The following ADCY2 variants were observed in gnomAD, a reference collection of about 807,000 sequenced individuals.
ADCY2 encodes adenylate cyclase 2, also known as adenylate cyclase type 2.
Under a neutral mutation model 125.2 loss-of-function variants are expected in ADCY2, and 31 were observed. That is an observed-to-expected ratio of 0.25 (90% confidence interval 0.19 to 0.33). The LOEUF (loss-of-function observed/expected upper bound fraction) is 0.33, where lower values mean the gene tolerates loss of function less well. ADCY2 is among the 10% of genes least tolerant of loss of function. ADCY2 has a pLI of 1.00. For synonymous variants in ADCY2, 512 were observed against 548.4 expected (o/e 0.93, Z 0.93); for missense variants, 904 against 1,418.2 (o/e 0.64, Z 5.82).
chr5:7,692,747 A>C (rs1475166630), intron 5 of ADCY2, among the ~76,000 whole-genome samples: 3 of 152,104 alleles, frequency 2.0e-5, no homozygotes, highest in African/African-American at 7.2e-5. Flanking sequence ...ATGACATTGC[A>C]TTCCCTCAGT....
chr5:7,478,307 T>C (rs963455483), intron 2 of ADCY2, among the ~76,000 whole-genome samples: 3 of 152,184 alleles, frequency 2.0e-5, no homozygotes, highest in African/African-American at 7.2e-5. Context: ...ACATGTAAAC[T>C]AATGTGGCCA....
intron 3 of ADCY2, among the ~76,000 whole-genome samples, chr5:7,524,811 C>G (rs1047939835): frequency 1.3e-5 from 2 of 152,142 alleles, no homozygotes; most frequent in African/African-American, 4.8e-5. Context: ...TATGATGGCT[C>G]TGTCCATCCA....
At chr5:7,498,248 T>G (rs976009526) in intron 2 of ADCY2, among the ~76,000 whole-genome samples, 2 of 135,858 alleles carry the variant, frequency 1.5e-5, no homozygotes, top group African/African-American at 5.7e-5. Flanking sequence ...CGTTTTTTTT[T>G]TTTTTTTTTT....
intron 2 of ADCY2, among the ~76,000 whole-genome samples, chr5:7,439,245 T>A (rs1740917988): frequency 6.6e-6 from 1 of 152,138 alleles, no homozygotes; most frequent in Non-Finnish European, 1.5e-5. Context: ...GAGGTTTAAT[T>A]GACTCACAGT....
intron 2 of ADCY2, among the ~76,000 whole-genome samples, chr5:7,423,632 C>T (rs754139532): frequency 2.7e-4 from 41 of 152,184 alleles, no homozygotes; most frequent in Non-Finnish European, 5.4e-4. Flanking sequence ...GTCCATTAAA[C>T]CTCTTTTCTT....
intron 14 of ADCY2, among the ~76,000 whole-genome samples, chr5:7,732,185 A>G (rs754058238): frequency 2.0e-5 from 3 of 152,248 alleles, no homozygotes; most frequent in Non-Finnish European, 2.9e-5. Context: ...AAGGAGGTCA[A>G]GTGAATTTGG....
intron 4 of ADCY2, among the ~76,000 whole-genome samples, chr5:7,684,327 G>A (rs557251831): frequency 6.6e-6 from 1 of 152,256 alleles, no homozygotes; most frequent in East Asian, 1.9e-4. Context: ...CTATTCCAGG[G>A]AGCACAGCTG....
intron 20 of ADCY2, chr5:7,795,188 C>G (rs372921444): frequency 6.6e-6 from 1 of 152,208 alleles, no homozygotes; most frequent in Non-Finnish European, 1.5e-5. Context: ...TCAGAGTCCT[C>G]TCAGAGACCA....
intron 2 of ADCY2, among the ~76,000 whole-genome samples, chr5:7,451,812 G>C (rs1167247128): frequency 1.3e-5 from 2 of 151,782 alleles, no homozygotes; most frequent in Non-Finnish European, 2.9e-5. Context: ...AGTGGTTTTT[G>C]GTTAGATAGA....
In ADCY2 at chr5:7,417,309, A is replaced by G. The variant is rs115530386; in HGVS notation, c.408+2539A>G. Among the ~76,000 whole-genome samples, 276 of 152,292 alleles carry G rather than the reference A, an allele frequency of 1.8e-3. 2 individuals carry two copies. Among genetic ancestry groups the G allele is most frequent in the African/African-American group, 6.4e-3 (267 of 41,566 alleles). On this transcript the variant is annotated intron_variant, in intron 2 of 24. Coordinates refer to ENST00000338316, the MANE Select transcript of ADCY2 (RefSeq NM_020546.3). ...TGCTAATTGGTCGGTGTTTATATAT[A>G]AGAATACTATTGTTTTTATGTTGAC...
intron 1 of ADCY2, among the ~76,000 whole-genome samples, chr5:7,412,844 A>G (rs1278884053): frequency 6.6e-6 from 1 of 152,250 alleles, no homozygotes; most frequent in Non-Finnish European, 1.5e-5. Context: ...CAGCTGTAGA[A>G]TGGAACTAAC....
chr5:7,749,062 T>G (rs914055644), intron 15 of ADCY2, among the ~76,000 whole-genome samples: 1 of 152,196 alleles, frequency 6.6e-6, no homozygotes. Flanking sequence ...CCCATGTTCA[T>G]GGACATGGAC....
intron 24 of ADCY2, among the ~76,000 whole-genome samples, chr5:7,822,308 A>G (rs1354305882): frequency 1.3e-5 from 2 of 152,222 alleles, no homozygotes; most frequent in Admixed American, 6.5e-5. Context: ...TTTAATTTTC[A>G]TCATTGAACC....
chr5:7,653,409 A>G (rs899109284), intron 4 of ADCY2, among the ~76,000 whole-genome samples: 1 of 152,158 alleles, frequency 6.6e-6, no homozygotes. Flanking sequence ...AAAAACGTGA[A>G]GACGGCTAAC....
chr5:7,802,231 A>G lies in ADCY2; in HGVS notation c.2642A>G (p.Gln881Arg). 1.9e-6 allele frequency: 3 copies of G among 1,613,810 alleles called. No individual in the cohort carries two copies. Among genetic ancestry groups the G allele is most frequent in the Non-Finnish European group, 2.5e-6 (3 of 1,179,878 alleles). Residue 881 changes from glutamine to arginine, a missense_variant, in exon 21 of 25, where the codon CAG becomes CGG. Transcript: ENST00000338316. This position sits in a 1 kb window ranked among gnomAD's most constrained non-coding sequence, Gnocchi z 4.6. Reference protein sequence around the residue: ...RSLKNEELYHQSYDCVCVMFA... With the variant: ...RSLKNEELYHRSYDCVCVMFA... Reference sequence around the variant, plus strand: ...TCTCCCAAGCAGGAGCTATACCACCAGTCCTATGACTGCGTCTGCGTCATG... The same window carrying G: ...TCTCCCAAGCAGGAGCTATACCACCGGTCCTATGACTGCGTCTGCGTCATG...
chr5:7,717,205 G>T lies in ADCY2; in HGVS notation c.1671G>T (p.Met557Ile). 2 of 1,611,248 alleles carry T rather than the reference G, an allele frequency of 1.2e-6. No homozygotes were observed. Among genetic ancestry groups the T allele is most frequent in the Non-Finnish European group, 1.7e-6 (2 of 1,178,308 alleles). Residue 557 changes from methionine (M) to isoleucine (I), a missense_variant, in exon 12 of 25, where the codon ATG (methionine) becomes ATT (isoleucine). Physicochemically the swap from Met to Ile is conservative, Grantham distance 10. This residue lies in a region of ADCY2 where 144 missense variants were observed against 227.7 expected (regional missense o/e 0.63). Coordinates refer to ENST00000338316, the MANE Select transcript of ADCY2 (RefSeq NM_020546.3). ...KRFEEELNER[M>I]IQAIDGINAQ... ...TTGAAGAAGAATTGAATGAAAGGAT[G>T]ATTCAAGCAATTGATGGGATTAATG...
intron 19 of ADCY2, among the ~76,000 whole-genome samples, chr5:7,787,215 CCT>C (rs1466185257): frequency 6.6e-6 from 1 of 152,184 alleles, no homozygotes; most frequent in Admixed American, 6.5e-5. Flanking sequence ...CACACAGAAT[CCT>C]CTGTCTCCTC....
intron 2 of ADCY2, among the ~76,000 whole-genome samples, chr5:7,446,948 A>C (rs1407103568): frequency 6.6e-6 from 1 of 152,160 alleles, no homozygotes; most frequent in Non-Finnish European, 1.5e-5. Context: ...AGCACTACCA[A>C]AATTAATGAG....
intron 14 of ADCY2, among the ~76,000 whole-genome samples, chr5:7,737,371 A>G (rs1396000915): frequency 1.3e-5 from 2 of 152,206 alleles, no homozygotes. Flanking sequence ...TGCTAGAACC[A>G]TGCAAAGCTA....
Sources: gnomAD v4.1 joint callset for allele counts (sites outside exome capture counted in the v4.1 genomes callset) on GRCh38, gnomAD v4.1.1 for gene constraint, gnomAD v4.1.1 regional missense constraint, Gnocchi (gnomAD v3.1) non-coding constraint, MANE v1.5 for transcripts, NCBI Gene and HGNC (gene_info 2026-07-23, HGNC 2026-07-21) for gene names.